Variants in ZNF350 observed in about 807,000 individuals in gnomAD.
ZNF350 encodes KRAB zinc finger protein ZFQR.
ZNF350 carries 5 observed loss-of-function variants against 13.1 expected under a neutral mutation model. The ratio of observed to expected loss-of-function variants is 0.38; its 90% CI spans 0.20 to 0.80. The LOEUF is 0.80. Among genes scored for constraint, ZNF350 ranks in the 30% least tolerant of loss-of-function variants. The probability of loss-of-function intolerance (pLI) is 0.43; values close to 1 mark genes in which losing one functional copy is unlikely to be tolerated. For synonymous variants in ZNF350, 199 were observed against 224.2 expected (o/e 0.89, Z 1.00); for missense variants, 534 against 644.2 (o/e 0.83, Z 1.85).
chr19:51,965,266 T>G lies in ZNF350; in HGVS notation c.1187A>C (p.His396Pro). 1 of 1,614,104 alleles carries G rather than the reference T, an allele frequency of 6.2e-7. No individual in the cohort carries two copies. Among genetic ancestry groups the G allele is most frequent in the Non-Finnish European group, 8.5e-7 (1 of 1,179,916 alleles). Residue 396 changes from histidine (H) to proline (P), a missense_variant, in exon 5 of 5, where the codon CAT (histidine) becomes CCT (proline). Transcript: ENST00000243644. ...ACAGCCATAGGGTCTCTCTCCTGTA[T>G]GAGTCCTTTGATGGACAATGAGCTT... ...KQKLIVHQRT[H>P]TGERPYGCNE...
At chr19:51,966,320 G>T in intron 4 of ZNF350, 106 bp from the exon 5 acceptor site, 1 of 1,202,662 alleles carries the variant, frequency 8.3e-7, no homozygotes, top group Non-Finnish European at 1.1e-6. Context: ...GTTTTACTCC[G>T]TTGTCCAGGC....
intron 1 of ZNF350, among the ~76,000 whole-genome samples, chr19:51,975,441 A>C (rs1021249939): frequency 5.3e-5 from 8 of 151,404 alleles, no homozygotes; most frequent in Non-Finnish European, 1.2e-4. Flanking sequence ...AAAAAAAAAA[A>C]AAAAAAAAAA....
chr19:51,964,563 A>G lies in ZNF350; in HGVS notation c.*291T>C, dbSNP rs942732265. The G allele has an allele frequency of 9.5e-6, 4 of 419,148 alleles. No homozygotes were observed. The highest frequency in any genetic ancestry group is 2.0e-5 in the African/African-American group (1 of 49,384). The allele number at this position is 419,148 out of a possible 1,614,324, so 26.0% of individuals were successfully genotyped here. A position where few individuals can be genotyped will look rare whatever the true frequency, so the allele number is the denominator to read the frequency against. ...TATGAAGCTTTTCAGTCACTGCAACACTCCCGACACCAATTATCTCATCTG... is the reference window on the plus strand; with the variant it reads ...TATGAAGCTTTTCAGTCACTGCAACGCTCCCGACACCAATTATCTCATCTG... On this transcript the variant is annotated 3_prime_UTR_variant, in exon 5 of 5. Transcript: ENST00000243644.
At chr19:51,977,996 A>T (rs373723791) in intron 1 of ZNF350, among the ~76,000 whole-genome samples, 12 of 152,366 alleles carry the variant, frequency 7.9e-5, no homozygotes, top group African/African-American at 2.9e-4. Context: ...GACAGAAAGG[A>T]TATTACAATG....
chr19:51,975,631 T>C (rs1413223878), intron 1 of ZNF350, among the ~76,000 whole-genome samples: 1 of 152,228 alleles, frequency 6.6e-6, no homozygotes, highest in Non-Finnish European at 1.5e-5. Context: ...AAGTATTTTA[T>C]GCTAAGTAAA....
intron 2 of ZNF350, among the ~76,000 whole-genome samples, chr19:51,971,531 C>T (rs1436638269): frequency 6.6e-6 from 1 of 152,202 alleles, no homozygotes; most frequent in East Asian, 1.9e-4. Flanking sequence ...AGCAAACTCA[C>T]CATTGCTCCT....
At chr19:51,974,003 A>G (rs2085816131) in intron 2 of ZNF350, 2 of 178,778 alleles carry the variant, frequency 1.1e-5, no homozygotes, top group Non-Finnish European at 2.4e-5. Flanking sequence ...CCAGGAAGTA[A>G]TCTGTTTTAT....
intron 1 of ZNF350, among the ~76,000 whole-genome samples, chr19:51,986,330 A>G (rs759590889): frequency 6.6e-6 from 1 of 152,176 alleles, no homozygotes; most frequent in Non-Finnish European, 1.5e-5. Flanking sequence ...AAGCCTTTGT[A>G]CCACAGACAC....
intron 2 of ZNF350, among the ~76,000 whole-genome samples, chr19:51,971,380 A>G (rs1293336270): frequency 6.6e-6 from 1 of 152,210 alleles, no homozygotes; most frequent in East Asian, 1.9e-4. Flanking sequence ...TGGCTCAATG[A>G]ACTCCACCCT....
intron 2 of ZNF350, among the ~76,000 whole-genome samples, chr19:51,970,247 G>C (rs2085700601): frequency 6.6e-6 from 1 of 151,868 alleles, no homozygotes; most frequent in African/African-American, 2.4e-5. Context: ...ATTTTTAGTA[G>C]AGATGGGGTT....
chr19:51,984,492 T>G (rs1253729150), intron 1 of ZNF350, among the ~76,000 whole-genome samples: 1 of 152,198 alleles, frequency 6.6e-6, no homozygotes, highest in Non-Finnish European at 1.5e-5. Flanking sequence ...TTATACACAC[T>G]CTATGAAGCA....
In ZNF350 at chr19:51,964,936, T is replaced by C; in HGVS notation, c.1517A>G (p.Asp506Gly). The change falls in exon 5 of 5, where the codon GAC becomes GGC. Residue 506 changes from aspartate (D) to glycine (G), a missense_variant. Coordinates refer to ENST00000243644, the MANE Select transcript of ZNF350 (RefSeq NM_021632.4). ...ATTCACTGCATTCACAAGGTTTCTGTCCTGTGCAAATCCTCTGTTATCTCC... is the reference window on the plus strand; with the variant it reads ...ATTCACTGCATTCACAAGGTTTCTGCCCTGTGCAAATCCTCTGTTATCTCC... ...ASGDNRGFAQ[D>G]RNLVNAVNVV... is the part of the protein sequence containing the mutation. The C allele has an allele frequency of 6.2e-7, 1 of 1,614,220 alleles. No homozygotes were observed. Among genetic ancestry groups the C allele is most frequent in the Non-Finnish European group, 8.5e-7 (1 of 1,180,034 alleles).
rs1022111637 is a variant in ZNF350, at chr19:51,973,898, G to A, written c.15+448C>T. 3.8e-5 allele frequency: 6 copies of A among 157,524 alleles called. No homozygotes were observed. The East Asian group carries it at 1.1e-3, about 29-fold the overall frequency. 9.8% of individuals were successfully genotyped at this position (157,524 alleles called of 1,614,324 possible). ...AAACCTGCATCTGAATTTATGAGAA[G>A]GCTGCTATTCTGGACACCATCCACC... On this transcript the variant is annotated intron_variant, in intron 2 of 4. Transcript: ENST00000243644.
chr19:51,985,809 C>T (rs2086148077), intron 1 of ZNF350, among the ~76,000 whole-genome samples: 1 of 152,016 alleles, frequency 6.6e-6, no homozygotes, highest in African/African-American at 2.4e-5. Flanking sequence ...GAGTTCGAGA[C>T]CAACCTGCCC....
intron 3 of ZNF350, 94 bp downstream of exon 3, chr19:51,968,911 C>G: frequency 6.2e-7 from 1 of 1,610,840 alleles, no homozygotes; most frequent in African/African-American, 1.3e-5. Flanking sequence ...TCTACCACTT[C>G]AGAGTACTGC....
In ZNF350 at chr19:51,976,106, C is replaced by A. The variant is rs890165537; in HGVS notation, c.-171-1575G>T. On this transcript the variant is annotated intron_variant, in intron 1 of 4. Transcript: ENST00000243644. The surrounding 1 kb of genome is among the most constrained non-coding windows in gnomAD (Gnocchi z 4.5). The stretch of plus-strand genomic sequence containing the variant: ...TACTCTGGACCCCTGGCGCCGTTAT[C>A]TACTGCGACATCTAGAGAATGCAGT... Among the ~76,000 whole-genome samples the A allele has an allele frequency of 6.8e-6, 1 of 147,592 alleles. No homozygotes were observed. Among genetic ancestry groups the A allele is most frequent in the Non-Finnish European group, 1.5e-5 (1 of 66,278 alleles).
At position 51,986,179 on chromosome 19, in the gene ZNF350, T is replaced by A. The variant is rs1385286574; in HGVS notation, c.-172+591A>T. Among the ~76,000 whole-genome samples the A allele has an allele frequency of 2.6e-5, 4 of 152,092 alleles. No individual in the cohort carries two copies. The East Asian group carries it at 7.7e-4, about 29-fold the overall frequency. The stretch of plus-strand genomic sequence containing the variant: ...TGAACTTGACCCCCCGATCTGTAAA[T>A]AGCCACCCCAAGGATCAGAAGAGTA... On this transcript the variant is annotated intron_variant, in intron 1 of 4. Coordinates refer to ENST00000243644, the MANE Select transcript of ZNF350 (RefSeq NM_021632.4).
chr19:51,970,354 T>A (rs2085704035), intron 2 of ZNF350, among the ~76,000 whole-genome samples: 1 of 152,206 alleles, frequency 6.6e-6, no homozygotes, highest in African/African-American at 2.4e-5. Flanking sequence ...TGAGCCACCG[T>A]GCCCAGCCCC....
intron 4 of ZNF350, among the ~76,000 whole-genome samples, chr19:51,966,607 A>G (rs1300064747): frequency 6.6e-6 from 1 of 150,720 alleles, no homozygotes; most frequent in African/African-American, 2.4e-5. Flanking sequence ...GCTGGAGTGC[A>G]GTGGTACAAT....
Sources: gnomAD v4.1 joint callset for allele counts (sites outside exome capture counted in the v4.1 genomes callset) on GRCh38, gnomAD v4.1.1 for gene constraint, Gnocchi (gnomAD v3.1) non-coding constraint, MANE v1.5 for transcripts, NCBI Gene and HGNC (gene_info 2026-07-23, HGNC 2026-07-21) for gene names.